POLR1A: variants seen among roughly 807,000 people sequenced by gnomAD.
The protein encoded by POLR1A is RNA polymerase I subunit A.
POLR1A carries 84 observed loss-of-function variants against 205.3 expected under a neutral mutation model. The observed-to-expected ratio is 0.41, with a 90% confidence interval of 0.34 to 0.49. The LOEUF (loss-of-function observed/expected upper bound fraction) is 0.49, where lower values mean the gene tolerates loss of function less well. Among genes scored for constraint, POLR1A ranks in the 20% least tolerant of loss-of-function variants. The pLI is 0.22. For synonymous variants in POLR1A, 799 were observed against 863.7 expected, an observed-to-expected ratio of 0.93 and a Z score of 1.31; for missense variants, 1,645 against 2,204.5, an observed-to-expected ratio of 0.75 and a Z score of 5.08.
In POLR1A at chr2:86,105,748, C is replaced by T. The variant is rs1414648221; in HGVS notation, c.29G>A (p.Arg10Gln). 2.5e-6 allele frequency: 4 copies of T among 1,614,176 alleles called. No homozygotes were observed. The South Asian group carries it at 3.3e-5, about 13-fold the overall frequency. The change falls in exon 1 of 34, where the codon CGG (arginine) becomes CAG (glutamine). Residue 10 changes from arginine to glutamine, a missense_variant. Arg to Gln is a conservative substitution (Grantham distance 43). This residue lies in a region of POLR1A where 330 missense variants were observed against 375.6 expected (regional missense o/e 0.88). Coordinates refer to ENST00000263857, the MANE Select transcript of POLR1A (RefSeq NM_015425.6). Reference protein sequence around the residue: MLISKNMPWRRLQGISFGMY... With the variant: MLISKNMPWQRLQGISFGMY... ...CCCGAAGGAAATGCCCTGCAGCCGC[C>T]GCCAGGGCATGTTCTTGGAGATCAA... is the stretch of plus-strand genomic sequence containing the variant.
Position 86,027,283 on chromosome 2 carries a change from C to A in POLR1A, c.*140G>T. On this transcript the variant is annotated 3_prime_UTR_variant, in exon 34 of 34. Transcript: ENST00000263857. ...GCTCAGAGGCCCACTGCTTTCAGGC[C>A]CAAGGTCGCTGCTGTGCTCTGTACT... The A allele has an allele frequency of 1.4e-6, 1 of 707,020 alleles. No homozygotes were observed. The highest frequency in any genetic ancestry group is 1.6e-5 in the South Asian group (1 of 62,144). 43.8% of individuals were successfully genotyped at this position (707,020 alleles called of 1,614,324 possible).
At chr2:86,089,624 G>C (rs1673565556) in intron 4 of POLR1A, among the ~76,000 whole-genome samples, 198 bp downstream of exon 4, 1 of 152,204 alleles carries the variant, frequency 6.6e-6, no homozygotes, top group African/African-American at 2.4e-5. Context: ...GGTCCTGCAG[G>C]CAGGCATTAG....
At chr2:86,102,188 T>C (rs1245485749) in intron 1 of POLR1A, among the ~76,000 whole-genome samples, 1 of 152,248 alleles carries the variant, frequency 6.6e-6, no homozygotes, top group African/African-American at 2.4e-5. Context: ...TAATTTTGTC[T>C]TTAGTTTTTT....
chr2:86,102,116 T>C (rs1353142224), intron 1 of POLR1A, among the ~76,000 whole-genome samples: 1 of 152,230 alleles, frequency 6.6e-6, no homozygotes, highest in African/African-American at 2.4e-5. Context: ...AAATATCTCT[T>C]TGAGACCCTA....
chr2:86,031,880 C>T (rs1573801187), intron 29 of POLR1A, among the ~76,000 whole-genome samples: 2 of 152,218 alleles, frequency 1.3e-5, no homozygotes, highest in African/African-American at 4.8e-5. Context: ...ACTCAGCCCT[C>T]ACTGGTGTAC....
Position 86,098,702 on chromosome 2 carries a change from C to A in POLR1A, c.341G>T (p.Arg114Leu), listed in dbSNP as rs754892320. The A allele has an allele frequency of 6.2e-7, 1 of 1,613,820 alleles. No individual in the cohort carries two copies. Among genetic ancestry groups the A allele is most frequent in the Non-Finnish European group, 8.5e-7 (1 of 1,179,936 alleles). ...GCAGAGTAAGAGGTGAATCACGGCCCGGGGACAAGTCAGCATGTGGCAGTT... is the reference window on the plus strand; with the variant it reads ...GCAGAGTAAGAGGTGAATCACGGCCAGGGGACAAGTCAGCATGTGGCAGTT... ...CLNCHMLTCP[R>L]AVIHLLLCQL... The change falls in exon 3 of 34, where the codon CGG becomes CTG. Residue 114 changes from arginine to leucine, a missense_variant. Arg to Leu is a moderately radical substitution (Grantham distance 102). Transcript: ENST00000263857.
At chr2:86,086,591 C>T (rs564063479) in intron 6 of POLR1A, among the ~76,000 whole-genome samples, 1 of 152,250 alleles carries the variant, frequency 6.6e-6, no homozygotes, top group Non-Finnish European at 1.5e-5. Context: ...ATGCTGAGCA[C>T]CCAACAAATA....
intron 6 of POLR1A, 66 bp downstream of exon 6, chr2:86,088,497 GTAT>G (rs747242241): frequency 1.5e-5 from 14 of 952,330 alleles, no homozygotes; most frequent in Non-Finnish European, 2.2e-5. Flanking sequence ...GGAGAACCAG[GTAT>G]TCCCAGGGTT....
intron 16 of POLR1A, among the ~76,000 whole-genome samples, chr2:86,049,822 G>A (rs903185745): frequency 2.6e-5 from 4 of 152,184 alleles, no homozygotes; most frequent in Non-Finnish European, 5.9e-5. Flanking sequence ...TCACTTCAGT[G>A]AAGCCTGCCC....
At position 86,024,302 on chromosome 2, in the gene POLR1A, G is replaced by A; in HGVS notation, c.*3121C>T. 5.6e-6 allele frequency: 1 copy of A among 179,656 alleles called. No homozygotes were observed. The highest frequency in any genetic ancestry group is 1.2e-5 in the Non-Finnish European group (1 of 83,878). The allele number at this position is 179,656 out of a possible 1,614,324, so 11.1% of individuals were successfully genotyped here. ...CTTTTCCACTTGTATGAGGGACCTA[G>A]AGAAGTCAAATTCGTAGAGACAGAA... is the stretch of plus-strand genomic sequence containing the variant. On this transcript the variant is annotated 3_prime_UTR_variant, in exon 34 of 34. Transcript: ENST00000263857.
In POLR1A at chr2:86,071,073, C is replaced by T. The variant is rs113591487; in HGVS notation, c.1612-801G>A. On this transcript the variant is annotated intron_variant, in intron 12 of 33. Coordinates refer to ENST00000263857, the MANE Select transcript of POLR1A (RefSeq NM_015425.6). ...TGTATCCACACTATGGAATATTATGCAGTGATGAACAAGGATAAGGTAAAT... is the reference window on the plus strand; with the variant it reads ...TGTATCCACACTATGGAATATTATGTAGTGATGAACAAGGATAAGGTAAAT... 5.8e-4 allele frequency among the ~76,000 whole-genome samples: 87 copies of T among 149,030 alleles called. 1 individual carries two copies. The highest frequency in any genetic ancestry group is 2.1e-3 in the African/African-American group (84 of 40,448).
rs764922932 is a variant in POLR1A, at chr2:86,081,659, C to T, written c.865G>A (p.Glu289Lys). ...AACACACTGGGATTGAATCTGGATT[C>T]CATACCATCATCATCCATTCCCGAA... The part of the protein sequence containing the change: ...LFSGMDDDGM[E>K]SRFNPSVFFL... The change falls in exon 8 of 34, where the codon GAA becomes AAA. Residue 289 changes from glutamate (E) to lysine (K), a missense_variant. Glu to Lys is a moderately conservative substitution (Grantham distance 56). Transcript: ENST00000263857. The T allele has an allele frequency of 6.2e-7, 1 of 1,613,050 alleles. No homozygotes were observed. Among genetic ancestry groups the T allele is most frequent in the South Asian group, 1.1e-5 (1 of 90,998 alleles).
intron 27 of POLR1A, among the ~76,000 whole-genome samples, chr2:86,034,696 C>T (rs1672463454): frequency 6.6e-6 from 1 of 152,182 alleles, no homozygotes; most frequent in African/African-American, 2.4e-5. Context: ...TCTCTGAGCG[C>T]CTATACTGTG....
chr2:86,072,375 C>T (rs992830188), intron 12 of POLR1A, among the ~76,000 whole-genome samples: 10 of 152,218 alleles, frequency 6.6e-5, no homozygotes, highest in Admixed American at 6.5e-4. Flanking sequence ...GAGAAACTGC[C>T]TAGACCTGTG....
intron 7 of POLR1A, 108 bp from the exon 8 acceptor site, chr2:86,081,814 T>A (rs1235574030): frequency 4.5e-6 from 3 of 673,266 alleles, no homozygotes; most frequent in Non-Finnish European, 7.7e-6. Context: ...GAATACAAGA[T>A]AATATGTAGA....
rs1225525484 is a variant in POLR1A, at chr2:86,020,773, G to C, written c.*6650C>G. 1.3e-5 allele frequency: 2 copies of C among 152,172 alleles called. No individual in the cohort carries two copies. Among genetic ancestry groups the C allele is most frequent in the East Asian group, 1.9e-4 (1 of 5,200 alleles). 9.4% of individuals were successfully genotyped at this position (152,172 alleles called of 1,614,324 possible). A position where few individuals can be genotyped will look rare whatever the true frequency, so the allele number is the denominator to read the frequency against. On this transcript the variant is annotated 3_prime_UTR_variant, in exon 34 of 34. Transcript: ENST00000263857. ...CAGCATCTCTAGCCTCCACTCCCTA[G>C]ATGCCAGTAGCACCTCCCTCCAGTA...
At position 86,077,944 on chromosome 2, in the gene POLR1A, ATG is replaced by A; in HGVS notation, c.1293_1294del (p.Met432AspfsTer49). ...AGCGTAGTCCACTCGCTTTCCCATC[ATG>A]TGTTTTCGGAACAGGCCTTCTTTCT... On this transcript the variant is annotated frameshift_variant, in exon 11 of 34. Coordinates refer to ENST00000263857, the MANE Select transcript of POLR1A (RefSeq NM_015425.6). LOFTEE classifies it high-confidence loss of function. 6.2e-7 allele frequency: 1 copy of A among 1,613,996 alleles called. No individual in the cohort carries two copies. The highest frequency in any genetic ancestry group is 8.5e-7 in the Non-Finnish European group (1 of 1,180,006).
chr2:86,087,727 G>C (rs781724628), intron 6 of POLR1A, among the ~76,000 whole-genome samples: 7 of 133,890 alleles, frequency 5.2e-5, no homozygotes, highest in Non-Finnish European at 1.2e-4. Context: ...GTTTTTAGCA[G>C]AGATGGGGTT....
intron 14 of POLR1A, among the ~76,000 whole-genome samples, chr2:86,058,719 T>C (rs1365692336): frequency 2.0e-5 from 3 of 152,082 alleles, no homozygotes; most frequent in African/African-American, 7.2e-5. Context: ...ATACTAAGCC[T>C]GTATTAACCT....
Sources: allele counts gnomAD v4.1 joint callset (sites outside exome capture counted in the v4.1 genomes callset), GRCh38; gene constraint gnomAD v4.1.1; regional missense constraint gnomAD v4.1.1; transcripts MANE v1.5; gene names NCBI Gene and HGNC (gene_info 2026-07-23, HGNC 2026-07-21).